Variants in DMD observed in about 807,000 individuals in gnomAD.
DMD encodes dystrophin.
A neutral mutation model predicts 330.1 loss-of-function variants in DMD; 63 were observed. That is an observed-to-expected ratio of 0.19 (90% CI 0.16 to 0.24). DMD has a LOEUF of 0.24. DMD is among the 10% of genes least tolerant of loss of function. DMD has a pLI of 1.00. For missense variants in DMD, 3,344 were observed against 2,684.1 expected (o/e 1.25, Z -5.43); for synonymous variants, 1,223 against 959.8 (o/e 1.27, Z -5.07).
chrX:32,951,666 A>AT (rs1243418016), intron 2 of DMD, among the ~76,000 whole-genome samples: 1 of 111,953 alleles, frequency 8.9e-6, no homozygotes, highest in African/African-American at 3.2e-5. Context: ...ATCCCAAAGC[A>AT]TTATTCATAT....
intron 59 of DMD, among the ~76,000 whole-genome samples, chrX:31,456,876 G>GTGTGTATA (rs752346201): frequency 1.0e-3 from 72 of 68,710 alleles, no homozygotes; most frequent in Middle Eastern, 7.8e-3. Flanking sequence ...GTGTGTGTGT[G>GTGTGTATA]TATATATATA....
At chrX:32,451,505 A>T (rs775932977) in intron 26 of DMD, among the ~76,000 whole-genome samples, 2 of 110,950 alleles carry the variant, frequency 1.8e-5, no homozygotes, top group Non-Finnish European at 3.8e-5. Flanking sequence ...AAAGTTTTAA[A>T]GTCAGAGGTT....
chrX:32,527,801 AT>A (rs1209028169), intron 17 of DMD, among the ~76,000 whole-genome samples: 1 of 111,099 alleles, frequency 9.0e-6, no homozygotes, highest in African/African-American at 3.3e-5. Context: ...ACAAGCTAAT[AT>A]TTAGATAAAT....
chrX:31,876,900 T>G (rs1451908855), intron 47 of DMD, among the ~76,000 whole-genome samples: 1 of 110,975 alleles, frequency 9.0e-6, no homozygotes, highest in Non-Finnish European at 1.9e-5. Flanking sequence ...GAATAAAATT[T>G]TATAATATAC....
chrX:33,091,067 T>C (rs2095079603), intron 1 of DMD, among the ~76,000 whole-genome samples: 1 of 111,077 alleles, frequency 9.0e-6, no homozygotes, highest in South Asian at 3.7e-4. Context: ...CATAACTTTT[T>C]CCCAACTCTC....
intron 30 of DMD, among the ~76,000 whole-genome samples, chrX:32,392,856 G>A (rs2098013865): frequency 1.8e-5 from 2 of 112,677 alleles, no homozygotes; most frequent in South Asian, 7.3e-4. Context: ...AAAGGCCATG[G>A]ATAAGTGCTT....
At chrX:32,765,579 TAGG>T (rs749031857) in intron 7 of DMD, among the ~76,000 whole-genome samples, 1 of 111,989 alleles carries the variant, frequency 8.9e-6, no homozygotes, top group Admixed American at 9.5e-5. Context: ...GACTAACATA[TAGG>T]AGTTCTTGGC....
intron 7 of DMD, among the ~76,000 whole-genome samples, chrX:32,771,130 T>A (rs1243243958): frequency 8.9e-6 from 1 of 112,102 alleles, no homozygotes; most frequent in African/African-American, 3.2e-5. Flanking sequence ...GATTAGCGCA[T>A]GCAATATTAA....
intron 60 of DMD, among the ~76,000 whole-genome samples, chrX:31,378,167 C>A (rs2059980481): frequency 9.0e-6 from 1 of 111,622 alleles, no homozygotes; most frequent in Admixed American, 9.5e-5. Flanking sequence ...CACGGACGCG[C>A]ATGAAATTTG....
At chrX:32,731,128 C>T (rs1163247239) in intron 7 of DMD, among the ~76,000 whole-genome samples, 1 of 112,024 alleles carries the variant, frequency 8.9e-6, no homozygotes, top group Non-Finnish European at 1.9e-5. Flanking sequence ...AGTTCCCTTT[C>T]CTAGTCAAAG....
intron 66 of DMD, 109 bp downstream of exon 66, chrX:31,206,473 T>C (rs377624774): frequency 1.4e-6 from 1 of 711,802 alleles, no homozygotes. Flanking sequence ...TTCTACATCT[T>C]ACATGAGGAA....
chrX:33,285,313 G>GTA (rs1344321917), intron 1 of DMD, among the ~76,000 whole-genome samples: 2 of 110,895 alleles, frequency 1.8e-5, no homozygotes, highest in African/African-American at 6.6e-5. Flanking sequence ...ATTCATTTGT[G>GTA]TGTGTGTGTG....
intron 44 of DMD, among the ~76,000 whole-genome samples, chrX:32,188,684 A>G (rs1383191473): frequency 1.8e-5 from 2 of 108,873 alleles, no homozygotes; most frequent in African/African-American, 6.7e-5. Flanking sequence ...CTGGAAGTGT[A>G]TGTTGCTGCC....
chrX:31,683,659 G>A (rs761387033), intron 52 of DMD, among the ~76,000 whole-genome samples: 1 of 111,532 alleles, frequency 9.0e-6, no homozygotes, highest in Non-Finnish European at 1.9e-5. Context: ...AAAATACAAC[G>A]TAAAAAGAAT....
At position 31,195,026 on chromosome X, in the gene DMD, A is replaced by G. The variant is rs779241257; in HGVS notation, c.9807+8935T>C. On this transcript the variant is annotated intron_variant, in intron 67 of 78. Coordinates refer to ENST00000357033, the MANE Select transcript of DMD (RefSeq NM_004006.3). ...TGCGCAGAAGCAGAACTTTTTGTTTAAGGATTGAGAGGTCAAGAGTTGTCT... is the reference window on the plus strand; with the variant it reads ...TGCGCAGAAGCAGAACTTTTTGTTTGAGGATTGAGAGGTCAAGAGTTGTCT... Among the ~76,000 whole-genome samples the G allele has an allele frequency of 1.5e-4, 17 of 112,026 alleles. No individual in the cohort carries two copies. In the South Asian group the frequency reaches 1.9e-3, roughly 12 times the overall value.
intron 1 of DMD, among the ~76,000 whole-genome samples, chrX:33,027,488 A>C (rs1471646289): frequency 6.2e-5 from 7 of 112,455 alleles, no homozygotes; most frequent in Non-Finnish European, 1.3e-4. Context: ...ATTTTAAGCC[A>C]CTAAATTTGT....
intron 55 of DMD, among the ~76,000 whole-genome samples, chrX:31,536,013 CTGTT>C (rs1191481973): frequency 7.1e-5 from 8 of 111,985 alleles, no homozygotes; most frequent in Admixed American, 4.7e-4. Context: ...AAGGGTAAAA[CTGTT>C]TGCACAGAAA....
intron 44 of DMD, among the ~76,000 whole-genome samples, chrX:32,161,267 T>A (rs754550041): frequency 9.0e-6 from 1 of 111,623 alleles, no homozygotes; most frequent in African/African-American, 3.3e-5. Flanking sequence ...AACACTAAAT[T>A]TCATTCAGAA....
In DMD at chrX:33,236,274, C is replaced by CT. The variant is rs1195188757; in HGVS notation, c.7+102984dup. On this transcript the variant is annotated intron_variant, in intron 1 of 17. Coordinates refer to the DMD transcript ENST00000288447. ...TGGCTTCTCCTTCCTTTTTTTTTTT[C>CT]TTTTTTTTTGACAAAGTTTCCCTCT... Among the ~76,000 whole-genome samples, 79 of 86,569 alleles carry CT rather than the reference C, an allele frequency of 9.1e-4. 1 individual carries two copies. Among genetic ancestry groups the CT allele is most frequent in the Middle Eastern group, 7.2e-3 (1 of 139 alleles). 75.2% of individuals were successfully genotyped at this position (86,569 alleles called of 115,157 possible). A position where few individuals can be genotyped will look rare whatever the true frequency, so the allele number is the denominator to read the frequency against.
Sources: allele counts gnomAD v4.1 joint callset (sites outside exome capture counted in the v4.1 genomes callset), GRCh38; gene constraint gnomAD v4.1.1; transcripts MANE v1.5; gene names NCBI Gene and HGNC (gene_info 2026-07-23, HGNC 2026-07-21).